TRPC7: variants seen among roughly 807,000 people sequenced by gnomAD.
TRPC7 encodes short transient receptor potential channel 7.
In TRPC7, 42 loss-of-function variants were observed where a neutral mutation model predicts 90.1. The observed-to-expected ratio is 0.47, with a 90% confidence interval of 0.36 to 0.60. The LOEUF (loss-of-function observed/expected upper bound fraction) is 0.60, where lower values mean the gene tolerates loss of function less well. Among genes scored for constraint, TRPC7 ranks in the 20% least tolerant of loss-of-function variants. TRPC7 has a pLI of 0.00. For missense variants in TRPC7, 955 were observed against 1,112.3 expected (o/e 0.86, Z 2.01); for synonymous variants, 451 against 436.3 (o/e 1.03, Z -0.42).
rs563923619 is a variant in TRPC7, at chr5:136,309,935, C to T, written c.963+5662G>A. 1.2e-4 allele frequency among the ~76,000 whole-genome samples: 18 copies of T among 152,284 alleles called. No individual in the cohort carries two copies. The South Asian group carries it at 2.9e-3, about 25-fold the overall frequency. On this transcript the variant is annotated intron_variant, in intron 3 of 11. Coordinates refer to ENST00000513104, the MANE Select transcript of TRPC7 (RefSeq NM_020389.3). ...CTTTTTCAGAGGAAGAGCTGTCTCTCCATCTATCCTAATCTTTACAACCAC... is the reference window on the plus strand; with the variant it reads ...CTTTTTCAGAGGAAGAGCTGTCTCTTCATCTATCCTAATCTTTACAACCAC...
chr5:136,311,923 C>T (rs578202769), intron 3 of TRPC7, among the ~76,000 whole-genome samples: 3 of 152,300 alleles, frequency 2.0e-5, no homozygotes, highest in East Asian at 3.9e-4. Context: ...TTATACCCAT[C>T]GGCTACTGAA....
intron 1 of TRPC7, 120 bp downstream of exon 1, chr5:136,365,133 T>C (rs2149867217): frequency 8.7e-7 from 1 of 1,152,052 alleles, no homozygotes; most frequent in East Asian, 2.6e-5. Context: ...CATCTAAAAA[T>C]CTAAGCAGTG....
chr5:136,265,812 A>G (rs1361499993), intron 5 of TRPC7, among the ~76,000 whole-genome samples: 1 of 152,180 alleles, frequency 6.6e-6, no homozygotes. Flanking sequence ...ATGAATATGA[A>G]TATTTAGTGA....
intron 1 of TRPC7, 26 bp from the exon 2 acceptor site, chr5:136,357,411 G>A (rs1178520445): frequency 6.4e-7 from 1 of 1,558,722 alleles, no homozygotes; most frequent in South Asian, 1.2e-5. Context: ...AAGATGCCCT[G>A]TTACTTTCCT....
At position 136,234,168 on chromosome 5, in the gene TRPC7, G is replaced by A. The variant is rs970391314; in HGVS notation, c.1845-2619C>T. ...GGTTTAAGGAGTAACTCCTGGACTT[G>A]GATTTGGCCATTTCTCCAACAGGCT... On this transcript the variant is annotated intron_variant, in intron 7 of 11. Transcript: ENST00000513104. Among the ~76,000 whole-genome samples, 6 of 152,164 alleles carry A rather than the reference G, an allele frequency of 3.9e-5. No homozygotes were observed. The South Asian group carries it at 1.2e-3, about 32-fold the overall frequency.
intron 2 of TRPC7, among the ~76,000 whole-genome samples, chr5:136,321,859 A>G (rs1759209217): frequency 6.6e-6 from 1 of 152,192 alleles, no homozygotes; most frequent in Non-Finnish European, 1.5e-5. Context: ...AGATTTATCC[A>G]TGATGTTGCA....
At chr5:136,284,703 C>G (rs1311031298) in intron 3 of TRPC7, among the ~76,000 whole-genome samples, 1 of 152,136 alleles carries the variant, frequency 6.6e-6, no homozygotes, top group South Asian at 2.1e-4. Flanking sequence ...AGAAGAGGCA[C>G]CCAGCCCAAG....
chr5:136,354,070 A>C (rs1468042840), intron 2 of TRPC7, among the ~76,000 whole-genome samples: 1 of 152,176 alleles, frequency 6.6e-6, no homozygotes, highest in African/African-American at 2.4e-5. Context: ...AATCTGATCC[A>C]AAAAAATATT....
chr5:136,318,277 C>T (rs1759091404), intron 2 of TRPC7, among the ~76,000 whole-genome samples: 1 of 152,136 alleles, frequency 6.6e-6, no homozygotes, highest in Non-Finnish European at 1.5e-5. Context: ...TCATAGGTGC[C>T]CTTTACATTT....
chr5:136,222,425 C>G (rs1046675400), intron 10 of TRPC7, among the ~76,000 whole-genome samples: 6 of 152,196 alleles, frequency 3.9e-5, no homozygotes, highest in Non-Finnish European at 8.8e-5. Context: ...GTGACAGCAG[C>G]TCTGCCTAGG....
intron 3 of TRPC7, among the ~76,000 whole-genome samples, chr5:136,299,340 C>CGTGT (rs529330866): frequency 0.014 from 1,667 of 122,676 alleles, 16 homozygotes; most frequent in Non-Finnish European, 0.016. Context: ...GGGGTGTGTG[C>CGTGT]GTGTGTGTGT....
intron 3 of TRPC7, among the ~76,000 whole-genome samples, chr5:136,312,664 C>T (rs1169197077): frequency 1.3e-5 from 2 of 152,182 alleles, no homozygotes; most frequent in Non-Finnish European, 2.9e-5. Flanking sequence ...CAGGTACTCC[C>T]TTGAACCATG....
intron 3 of TRPC7, among the ~76,000 whole-genome samples, chr5:136,284,353 G>A (rs975355736): frequency 3.9e-5 from 6 of 152,158 alleles, no homozygotes; most frequent in African/African-American, 1.4e-4. Flanking sequence ...TTCTTAATGG[G>A]CTGGGTCAAT....
intron 3 of TRPC7, among the ~76,000 whole-genome samples, chr5:136,301,470 G>A (rs1328754329): frequency 6.7e-6 from 1 of 149,290 alleles, no homozygotes; most frequent in African/African-American, 2.5e-5. Context: ...CACAAAAGAA[G>A]TAAAAATAAT....
intron 2 of TRPC7, among the ~76,000 whole-genome samples, chr5:136,317,866 G>A (rs1326843869): frequency 2.0e-5 from 3 of 152,214 alleles, no homozygotes; most frequent in Non-Finnish European, 4.4e-5. Flanking sequence ...GTATTGCCCA[G>A]AGCTTCCTCA....
chr5:136,236,957 G>A (rs889011), intron 7 of TRPC7, among the ~76,000 whole-genome samples: 151,998 of 152,336 alleles, frequency 1, 75,830 homozygotes, highest in Middle Eastern at 1. Flanking sequence ...CAAGCTCAGC[G>A]GACAATAGCT....
chr5:136,252,009 C>T (rs1005094841), intron 5 of TRPC7, 127 bp from the exon 6 acceptor site: 25 of 716,998 alleles, frequency 3.5e-5, no homozygotes, highest in Non-Finnish European at 5.8e-5. Context: ...CCGTCGATAG[C>T]CAGAGGCAGA....
At chr5:136,229,421 G>A (rs1755748833) in intron 8 of TRPC7, among the ~76,000 whole-genome samples, 1 of 152,138 alleles carries the variant, frequency 6.6e-6, no homozygotes, top group South Asian at 2.1e-4. Flanking sequence ...ACTGAATTGT[G>A]TCCCCCTTAA....
At chr5:136,333,383 A>C (rs1038853759) in intron 2 of TRPC7, among the ~76,000 whole-genome samples, 1 of 152,246 alleles carries the variant, frequency 6.6e-6, no homozygotes, top group African/African-American at 2.4e-5. Flanking sequence ...TATACAGGGA[A>C]CTATGCAAGT....
Sources: gnomAD v4.1 joint callset for allele counts (sites outside exome capture counted in the v4.1 genomes callset) on GRCh38, gnomAD v4.1.1 for gene constraint, MANE v1.5 for transcripts, NCBI Gene and HGNC (gene_info 2026-07-23, HGNC 2026-07-21) for gene names.